Variants in PTP4A1 observed in about 807,000 individuals in gnomAD.
PTP4A1 encodes the protein protein tyrosine phosphatase 4A1, also known as protein tyrosine phosphatase type IVA 1.
Under a neutral mutation model 20.5 loss-of-function variants are expected in PTP4A1, and 9 were observed. That is an observed-to-expected ratio of 0.44 (90% CI 0.26 to 0.77). The LOEUF is 0.77. PTP4A1 is among the 30% of genes least tolerant of loss of function. The pLI, the probability that PTP4A1 is intolerant of heterozygous loss-of-function variation, is 0.19. For synonymous variants in PTP4A1, 78 were observed against 67.4 expected, an observed-to-expected ratio of 1.16 and a Z score of -0.77; for missense variants, 137 against 218.8, an observed-to-expected ratio of 0.63 and a Z score of 2.36.
chr6:63,575,550 T>TA (rs1162314043), intron 1 of PTP4A1, among the ~76,000 whole-genome samples: 3 of 152,204 alleles, frequency 2.0e-5, no homozygotes, highest in African/African-American at 7.2e-5. Flanking sequence ...TTACAGTAGT[T>TA]ACCTTGCTTT....
chr6:63,579,057 G>T (rs768416454), intron 4 of PTP4A1, 29 bp downstream of exon 4: 4 of 1,543,042 alleles, frequency 2.6e-6, no homozygotes, highest in Non-Finnish European at 3.5e-6. Flanking sequence ...TTGATTCTAG[G>T]TAAAAATCTA....
chr6:63,578,761 A>T, intron 3 of PTP4A1, 137 bp from the exon 4 acceptor site: 1 of 1,126,246 alleles, frequency 8.9e-7, no homozygotes, highest in Non-Finnish European at 1.2e-6. Flanking sequence ...CATTTGGTAG[A>T]CAACAGGGTT....
upstream of PTP4A1, among the ~76,000 whole-genome samples, chr6:63,568,204 T>TG (rs1224018305): frequency 6.6e-6 from 1 of 152,344 alleles, no homozygotes; most frequent in East Asian, 1.9e-4. Flanking sequence ...GTTTTGGGTA[T>TG]GAGGCCTAGT....
intron 2 of PTP4A1, among the ~76,000 whole-genome samples, chr6:63,534,098 C>T (rs976238846): frequency 1.3e-5 from 2 of 152,186 alleles, no homozygotes; most frequent in East Asian, 1.9e-4. Flanking sequence ...CCACCTTGAC[C>T]TATCAAAGTA....
intron 2 of PTP4A1, among the ~76,000 whole-genome samples, chr6:63,534,797 G>GTAAAGAATTTCATAAAGAATTTCTTTAC (rs1775642536): frequency 1.3e-5 from 2 of 151,864 alleles, no homozygotes; most frequent in South Asian, 2.1e-4. Flanking sequence ...AATTTCTTTA[G>GTAAAGAATTTCATAAAGAATTTCTTTAC]TAAAGAATTT....
At chr6:63,532,079 G>A (rs184505749) in intron 2 of PTP4A1, among the ~76,000 whole-genome samples, 9 of 152,224 alleles carry the variant, frequency 5.9e-5, no homozygotes, top group East Asian at 1.9e-4. Flanking sequence ...GATTACAGGC[G>A]TGAGCCACCA....
chr6:63,535,679 T>C (rs1775686806), intron 2 of PTP4A1, among the ~76,000 whole-genome samples: 1 of 152,100 alleles, frequency 6.6e-6, no homozygotes, highest in Non-Finnish European at 1.5e-5. Flanking sequence ...CATAAACACA[T>C]TTATAGTAGT....
rs549260888 is a variant in PTP4A1, at chr6:63,583,273, C to T, written c.*3099C>T. 3.3e-5 allele frequency: 5 copies of T among 152,234 alleles called. No homozygotes were observed. The East Asian group carries it at 9.6e-4, about 29-fold the overall frequency. The allele number at this position is 152,234 out of a possible 1,614,324, so 9.4% of individuals were successfully genotyped here. On this transcript the variant is annotated 3_prime_UTR_variant, in exon 6 of 6. Transcript: ENST00000626021. Reference sequence around the variant, plus strand: ...AACAAAATACATGAAGTAGTGTCTGCCATACATGTTAATATTCTACATTCT... The same window carrying T: ...AACAAAATACATGAAGTAGTGTCTGTCATACATGTTAATATTCTACATTCT...
upstream of PTP4A1, among the ~76,000 whole-genome samples, chr6:63,517,251 A>G (rs1774761675): frequency 6.6e-6 from 1 of 152,140 alleles, no homozygotes; most frequent in South Asian, 2.1e-4. Flanking sequence ...AAAGAACTAT[A>G]AGGGTGCCTA....
chr6:63,577,089 C>T (rs1292756923), intron 2 of PTP4A1, 104 bp downstream of exon 2: 1 of 803,448 alleles, frequency 1.2e-6, no homozygotes, highest in African/African-American at 1.8e-5. Flanking sequence ...GATGATATAC[C>T]TACAATTCCA....
chr6:63,571,209 G>A (rs908484042), upstream of PTP4A1: 2 of 152,130 alleles, frequency 1.3e-5, no homozygotes, highest in African/African-American at 4.8e-5. Flanking sequence ...AGTTAAGAAA[G>A]TTGAATAACT....
At chr6:63,539,813 A>G (rs1775878560) in intron 2 of PTP4A1, among the ~76,000 whole-genome samples, 1 of 152,004 alleles carries the variant, frequency 6.6e-6, no homozygotes, top group East Asian at 1.9e-4. Flanking sequence ...AATCTTCAGA[A>G]AAAAACTCAA....
Position 63,564,511 on chromosome 6 carries a change from T to A in PTP4A1, c.-445-11925T>A, listed in dbSNP as rs149235273. Among the ~76,000 whole-genome samples the A allele has an allele frequency of 8.5e-5, 13 of 152,356 alleles. 1 individual carries two copies. Among genetic ancestry groups the A allele is most frequent in the African/African-American group, 3.1e-4 (13 of 41,586 alleles). ...AATTGTTCAACAACATTTCTCCTTA[T>A]GTAAGGCCTGCCCCAGTAATGCTGC... On this transcript the variant is annotated intron_variant, in intron 3 of 3. Coordinates refer to the PTP4A1 transcript ENST00000639568.
chr6:63,526,081 T>G (rs1203844206), intron 1 of PTP4A1, among the ~76,000 whole-genome samples: 1 of 152,014 alleles, frequency 6.6e-6, no homozygotes, highest in African/African-American at 2.4e-5. Flanking sequence ...TCCCAACATT[T>G]TAGGAGGCCA....
At position 63,572,515 on chromosome 6, in the gene PTP4A1, C is replaced by CCGGCTCGGCTACGCGCT. The variant is rs1426576720; in HGVS notation, c.-648_-632dup. On this transcript the variant is annotated 5_prime_UTR_variant, in exon 1 of 6. Transcript: ENST00000626021. The stretch of plus-strand genomic sequence containing the variant: ...GTGTATTGGCTCCTTCGGCTGCGGG[C>CCGGCTCGGCTACGCGCT]CGGCTCGGCTACGCGCTCTGCTCCG... 2.3e-5 allele frequency: 9 copies of CCGGCTCGGCTACGCGCT among 391,118 alleles called. No individual in the cohort carries two copies. In the South Asian group the frequency reaches 3.8e-4, roughly 17 times the overall value. The allele number at this position is 391,118 out of a possible 1,614,324, so 24.2% of individuals were successfully genotyped here.
chr6:63,520,530 G>A (rs1774880885), upstream of PTP4A1, among the ~76,000 whole-genome samples: 1 of 152,002 alleles, frequency 6.6e-6, no homozygotes, highest in Middle Eastern at 3.2e-3. Flanking sequence ...GGGAGGCTGA[G>A]GTAGGAGAAT....
intron 2 of PTP4A1, among the ~76,000 whole-genome samples, chr6:63,543,635 A>C (rs1581922408): frequency 6.6e-6 from 1 of 152,228 alleles, no homozygotes; most frequent in African/African-American, 2.4e-5. Flanking sequence ...GTTGTGACCT[A>C]CACACTGTGC....
At chr6:63,529,186 T>C (rs1387295872) in intron 2 of PTP4A1, among the ~76,000 whole-genome samples, 1 of 147,128 alleles carries the variant, frequency 6.8e-6, no homozygotes, top group Non-Finnish European at 1.5e-5. Flanking sequence ...TGTATATATA[T>C]GTGTGTATAT....
chr6:63,544,506 T>G (rs1776103770), intron 2 of PTP4A1, among the ~76,000 whole-genome samples: 1 of 152,174 alleles, frequency 6.6e-6, no homozygotes, highest in African/African-American at 2.4e-5. Flanking sequence ...TTAGCTCATC[T>G]ACACTAGCTA....
Sources: allele counts gnomAD v4.1 joint callset (sites outside exome capture counted in the v4.1 genomes callset), GRCh38; gene constraint gnomAD v4.1.1; transcripts MANE v1.5; gene names NCBI Gene and HGNC (gene_info 2026-07-23, HGNC 2026-07-21).